LUZP2: variants seen among roughly 807,000 people sequenced by gnomAD.
LUZP2 encodes the protein leucine zipper protein 2.
LUZP2 carries 52 observed loss-of-function variants against 51.6 expected under a neutral mutation model. The ratio of observed to expected loss-of-function variants is 1.01; its 90% confidence interval spans 0.81 to 1.27. The LOEUF (loss-of-function observed/expected upper bound fraction) is 1.27. Among genes scored for constraint, LUZP2 ranks in the 50% most tolerant of loss-of-function variants. LUZP2 has a pLI of 0.00. For missense variants in LUZP2, 436 were observed against 395.4 expected (o/e 1.10, Z -0.87); for synonymous variants, 154 against 137.3 (o/e 1.12, Z -0.85).
intron 6 of LUZP2, among the ~76,000 whole-genome samples, chr11:24,910,533 G>A (rs556658423): frequency 6.6e-6 from 1 of 152,314 alleles, no homozygotes; most frequent in South Asian, 2.1e-4. Context: ...AGGGGCCACG[G>A]TACATCTCAG....
chr11:24,867,266 A>G (rs1037697490), intron 5 of LUZP2, among the ~76,000 whole-genome samples: 1 of 152,248 alleles, frequency 6.6e-6, no homozygotes, highest in East Asian at 1.9e-4. Flanking sequence ...GTAGCCCCCC[A>G]GGGATATACA....
intron 9 of LUZP2, among the ~76,000 whole-genome samples, chr11:25,021,425 TTGTGTGTG>T (rs3992972): frequency 6.7e-6 from 1 of 149,656 alleles, no homozygotes. Flanking sequence ...TGCACACAGG[TTGTGTGTG>T]TGTGTGTGTG....
intron 1 of LUZP2, among the ~76,000 whole-genome samples, chr11:24,721,057 G>A (rs1858251064): frequency 6.6e-6 from 1 of 152,128 alleles, no homozygotes; most frequent in African/African-American, 2.4e-5. Flanking sequence ...GCCAATAGCA[G>A]GAGAACAAGA....
chr11:24,701,370 A>C (rs1459706923), intron 1 of LUZP2: 2 of 167,648 alleles, frequency 1.2e-5, no homozygotes, highest in Non-Finnish European at 2.9e-5. Flanking sequence ...CTCCTGCAAA[A>C]GTGGAAATGA....
chr11:24,645,757 T>A (rs1398416033), intron 1 of LUZP2, among the ~76,000 whole-genome samples: 1 of 152,122 alleles, frequency 6.6e-6, no homozygotes. Flanking sequence ...ATTATGGTAT[T>A]ACAGTTACAT....
intron 11 of LUZP2, among the ~76,000 whole-genome samples, chr11:25,077,631 C>G (rs1859350484): frequency 6.6e-6 from 1 of 151,756 alleles, no homozygotes; most frequent in Non-Finnish European, 1.5e-5. Flanking sequence ...TCCCGAGTAG[C>G]TGGGACTACA....
At chr11:24,741,996 TATATATTATATATAA>T (rs1859190422) in intron 4 of LUZP2, among the ~76,000 whole-genome samples, 1 of 127,574 alleles carries the variant, frequency 7.8e-6, no homozygotes, top group Non-Finnish European at 1.6e-5. Context: ...TATATAAATG[TATATATTATATATAA>T]ATATAATTAT....
chr11:24,652,426 T>A (rs928947975), intron 1 of LUZP2, among the ~76,000 whole-genome samples: 1 of 152,040 alleles, frequency 6.6e-6, no homozygotes, highest in Non-Finnish European at 1.5e-5. Context: ...CAATCTTAGA[T>A]GGACTATGAA....
At chr11:24,876,141 C>T (rs1308272889) in intron 5 of LUZP2, among the ~76,000 whole-genome samples, 1 of 151,076 alleles carries the variant, frequency 6.6e-6, no homozygotes, top group African/African-American at 2.4e-5. Context: ...GCTTTTGTTG[C>T]TTTTGGTGTT....
At chr11:24,972,561 A>G (rs1565176834) in intron 7 of LUZP2, among the ~76,000 whole-genome samples, 1 of 152,160 alleles carries the variant, frequency 6.6e-6, no homozygotes, top group Non-Finnish European at 1.5e-5. Context: ...GTCTCTCTAT[A>G]GTGAAAGACA....
chr11:24,851,708 G>C (rs1396103067), intron 5 of LUZP2, among the ~76,000 whole-genome samples: 1 of 152,070 alleles, frequency 6.6e-6, no homozygotes, highest in African/African-American at 2.4e-5. Flanking sequence ...GCTCCTCTTT[G>C]TACCTCTGAT....
intron 1 of LUZP2, among the ~76,000 whole-genome samples, chr11:24,676,443 T>A (rs1161836725): frequency 1.3e-5 from 2 of 152,108 alleles, no homozygotes; most frequent in African/African-American, 4.8e-5. Flanking sequence ...ATGCCTCCAA[T>A]AAAAGCTGTT....
intron 1 of LUZP2, among the ~76,000 whole-genome samples, chr11:24,532,734 A>T (rs146736007): frequency 6.6e-6 from 1 of 151,222 alleles, no homozygotes; most frequent in African/African-American, 2.4e-5. Flanking sequence ...TATAGTTTCA[A>T]GATGAATAAT....
chr11:24,694,226 T>C (rs1857168853), intron 1 of LUZP2, among the ~76,000 whole-genome samples: 1 of 152,066 alleles, frequency 6.6e-6, no homozygotes, highest in Admixed American at 6.6e-5. Context: ...TAGATCTCTT[T>C]GATATTCTTC....
intron 5 of LUZP2, among the ~76,000 whole-genome samples, chr11:24,844,178 C>T (rs1035876974): frequency 6.6e-6 from 1 of 152,048 alleles, no homozygotes; most frequent in African/African-American, 2.4e-5. Flanking sequence ...AATGGTTTTG[C>T]CCAATAATAC....
At chr11:24,711,091 C>T (rs1237076232) in intron 1 of LUZP2, among the ~76,000 whole-genome samples, 1 of 152,254 alleles carries the variant, frequency 6.6e-6, no homozygotes, top group African/African-American at 2.4e-5. Flanking sequence ...TAAAATAGCT[C>T]CATATCCTTC....
At chr11:24,918,673 G>T (rs1051411503) in intron 7 of LUZP2, among the ~76,000 whole-genome samples, 2 of 150,514 alleles carry the variant, frequency 1.3e-5, no homozygotes, top group African/African-American at 2.4e-5. Flanking sequence ...TATCATTGAA[G>T]AAAAATTTCA....
At chr11:24,714,807 G>A (rs1333389569) in intron 1 of LUZP2, among the ~76,000 whole-genome samples, 1 of 152,144 alleles carries the variant, frequency 6.6e-6, no homozygotes, top group East Asian at 1.9e-4. Flanking sequence ...TAGAGATGGA[G>A]TGCCCTTGGA....
chr11:24,963,380 G>T (rs565096504), intron 7 of LUZP2, among the ~76,000 whole-genome samples: 261 of 152,320 alleles, frequency 1.7e-3, no homozygotes, highest in African/African-American at 5.8e-3. Flanking sequence ...GGAGCCTACA[G>T]AGGCAGACAG....
Sources: allele counts gnomAD v4.1 joint callset (sites outside exome capture counted in the v4.1 genomes callset), GRCh38; gene constraint gnomAD v4.1.1; transcripts MANE v1.5; gene names NCBI Gene and HGNC (gene_info 2026-07-23, HGNC 2026-07-21).